NRG1: variants seen among roughly 807,000 people sequenced by gnomAD.
NRG1 encodes the protein pro-neuregulin-1, membrane-bound isoform.
NRG1 carries 18 observed loss-of-function variants against 63.8 expected under a neutral mutation model. The observed-to-expected ratio is 0.28, with a 90% CI of 0.19 to 0.42. The LOEUF (loss-of-function observed/expected upper bound fraction) is 0.42. Ranked by LOEUF, NRG1 falls within the 10% of genes least tolerant of loss-of-function variation. NRG1 has a pLI of 1.00. For synonymous variants in NRG1, 302 were observed against 301.3 expected (o/e 1.00, Z -0.02); for missense variants, 762 against 814.7 (o/e 0.94, Z 0.79).
At chr8:32,740,610 G>T (rs2129037179) in intron 6 of NRG1, among the ~76,000 whole-genome samples, 1 of 152,242 alleles carries the variant, frequency 6.6e-6, no homozygotes, top group Admixed American at 6.5e-5. Flanking sequence ...GTTTCCAAGA[G>T]TTTGAAAGAG....
At chr8:32,547,773 TTAAG>T (rs996452670), upstream of NRG1, among the ~76,000 whole-genome samples, 2 of 152,146 alleles carry the variant, frequency 1.3e-5, no homozygotes, top group African/African-American at 4.8e-5. Flanking sequence ...GCTTTTGTAC[TTAAG>T]TGAGTTAAGG....
At chr8:31,812,883 A>AT (rs1200616456) in intron 1 of NRG1, among the ~76,000 whole-genome samples, 6 of 152,324 alleles carry the variant, frequency 3.9e-5, no homozygotes, top group African/African-American at 1.4e-4. Flanking sequence ...TCTAAGTGTG[A>AT]TTATCAAAAA....
At chr8:31,897,691 T>G (rs543889461) in intron 1 of NRG1, among the ~76,000 whole-genome samples, 2 of 152,142 alleles carry the variant, frequency 1.3e-5, no homozygotes, top group Non-Finnish European at 2.9e-5. Context: ...GTCTTTAGAC[T>G]ATAACTTGAC....
At chr8:32,707,391 G>T (rs542245929) in intron 5 of NRG1, among the ~76,000 whole-genome samples, 1 of 151,946 alleles carries the variant, frequency 6.6e-6, no homozygotes, top group Non-Finnish European at 1.5e-5. Context: ...AAGATATGAG[G>T]GGAAAAAAGT....
chr8:32,710,739 T>C (rs1349716703), intron 5 of NRG1, among the ~76,000 whole-genome samples: 2 of 152,238 alleles, frequency 1.3e-5, no homozygotes, highest in African/African-American at 4.8e-5. Flanking sequence ...AACTTTCATA[T>C]TATACTTTAG....
chr8:32,477,351 G>A (rs1824656463), intron 1 of NRG1, among the ~76,000 whole-genome samples: 2 of 152,126 alleles, frequency 1.3e-5, no homozygotes, highest in Admixed American at 1.3e-4. Flanking sequence ...GAGCGGTTCA[G>A]CATCATCAAT....
At chr8:31,991,908 TTACTAACTAA>T (rs1400329955) in intron 1 of NRG1, among the ~76,000 whole-genome samples, 2 of 152,008 alleles carry the variant, frequency 1.3e-5, no homozygotes, top group East Asian at 3.9e-4. Context: ...AAAATAACAT[TTACTAACTAA>T]TACCTTTCCC....
intron 1 of NRG1, among the ~76,000 whole-genome samples, chr8:32,042,693 GAAAT>G (rs1482730244): frequency 6.6e-6 from 1 of 151,416 alleles, no homozygotes; most frequent in Non-Finnish European, 1.5e-5. Context: ...TCTCAACAAA[GAAAT>G]AAAAGAAATA....
intron 1 of NRG1, among the ~76,000 whole-genome samples, chr8:32,353,255 C>A (rs977538803): frequency 6.7e-6 from 1 of 149,610 alleles, no homozygotes; most frequent in Non-Finnish European, 1.5e-5. Flanking sequence ...TATTATGATA[C>A]AATTATATTA....
intron 5 of NRG1, among the ~76,000 whole-genome samples, chr8:32,662,015 C>A (rs1424741460): frequency 6.6e-6 from 1 of 152,004 alleles, no homozygotes; most frequent in Non-Finnish European, 1.5e-5. Context: ...ATTTGAATGT[C>A]CTAGCATAAA....
intron 1 of NRG1, among the ~76,000 whole-genome samples, chr8:31,798,966 AG>A (rs1393901688): frequency 6.6e-6 from 1 of 152,138 alleles, no homozygotes; most frequent in Non-Finnish European, 1.5e-5. Context: ...TAGAATTAAA[AG>A]CTGAACATCA....
At chr8:31,958,674 G>A (rs1804886622) in intron 1 of NRG1, among the ~76,000 whole-genome samples, 1 of 152,168 alleles carries the variant, frequency 6.6e-6, no homozygotes, top group Admixed American at 6.5e-5. Context: ...AGGGAAATGA[G>A]CCTTCACATT....
In NRG1 at chr8:32,742,496, T is replaced by G. The variant is rs951066461; in HGVS notation, c.633-179T>G. Among the ~76,000 whole-genome samples, 1 of 152,182 alleles carries G rather than the reference T, an allele frequency of 6.6e-6. No individual in the cohort carries two copies. The highest frequency in any genetic ancestry group is 2.4e-5 in the African/African-American group (1 of 41,452). ...AAGAACTGCATTCTGTCCAAATTTT[T>G]AACCATTTGGGGGAAGTGCCAGAGC... On this transcript the variant is annotated intron_variant, in intron 6 of 11. Coordinates refer to ENST00000356819, the Ensembl canonical transcript of NRG1. This position sits in a 1 kb window ranked among gnomAD's most constrained non-coding sequence, Gnocchi z 4.2.
At chr8:31,661,331 A>T (rs748618158) in intron 1 of NRG1, among the ~76,000 whole-genome samples, 2 of 152,300 alleles carry the variant, frequency 1.3e-5, no homozygotes, top group South Asian at 4.1e-4. Context: ...TCCTCAGCTT[A>T]TGAAGGTCTG....
chr8:31,650,361 C>A (rs1479661342), intron 1 of NRG1, among the ~76,000 whole-genome samples: 1 of 152,174 alleles, frequency 6.6e-6, no homozygotes, highest in Non-Finnish European at 1.5e-5. Context: ...TCTCAACATT[C>A]AATATCCTCC....
At chr8:31,865,991 C>T (rs1828922603) in intron 1 of NRG1, among the ~76,000 whole-genome samples, 1 of 152,194 alleles carries the variant, frequency 6.6e-6, no homozygotes, top group Non-Finnish European at 1.5e-5. Context: ...TCACCAGGCT[C>T]ATTAGGAGGG....
At chr8:32,458,074 C>T (rs550826987) in intron 1 of NRG1, among the ~76,000 whole-genome samples, 69 of 152,194 alleles carry the variant, frequency 4.5e-4, no homozygotes, top group African/African-American at 1.4e-3. Context: ...CGCACCACCA[C>T]GTCCAGCTAA....
intron 1 of NRG1, among the ~76,000 whole-genome samples, chr8:31,863,927 G>A (rs1164477996): frequency 1.3e-5 from 2 of 152,194 alleles, no homozygotes; most frequent in African/African-American, 4.8e-5. Flanking sequence ...TAATTGGATT[G>A]TAAATATCTT....
At chr8:32,181,568 A>G (rs1003868322) in intron 1 of NRG1, among the ~76,000 whole-genome samples, 3 of 152,168 alleles carry the variant, frequency 2.0e-5, no homozygotes, top group Admixed American at 6.5e-5. Context: ...CCTGAATGTT[A>G]TTTATTCACT....
Sources: allele counts gnomAD v4.1 joint callset (sites outside exome capture counted in the v4.1 genomes callset), GRCh38; gene constraint gnomAD v4.1.1; non-coding constraint Gnocchi (gnomAD v3.1); transcripts MANE v1.5; gene names NCBI Gene and HGNC (gene_info 2026-07-23, HGNC 2026-07-21).